Variants in PHF8 observed in about 807,000 individuals in gnomAD.
PHF8 encodes the protein PHD finger protein 8, also known as histone lysine demethylase PHF8.
PHF8 carries 9 observed loss-of-function variants against 74.4 expected under a neutral mutation model. The observed-to-expected ratio is 0.12, with a 90% CI of 0.07 to 0.21. The LOEUF is 0.21. Among genes scored for constraint, PHF8 ranks in the 10% least tolerant of loss-of-function variants. The probability of loss-of-function intolerance (pLI) is 1.00; values close to 1 mark genes in which losing one functional copy is unlikely to be tolerated. For synonymous variants in PHF8, 311 were observed against 316.6 expected (o/e 0.98, Z 0.19); for missense variants, 478 against 816.6 (o/e 0.59, Z 5.05).
chrX:53,984,299 G>A (rs2065525693), intron 18 of PHF8, among the ~76,000 whole-genome samples: 1 of 111,808 alleles, frequency 8.9e-6, no homozygotes, highest in Non-Finnish European at 1.9e-5. Flanking sequence ...CCAGGAGGCG[G>A]AGGTGGCAGT....
At chrX:54,015,859 T>C (rs1192000707) in intron 6 of PHF8, among the ~76,000 whole-genome samples, 1 of 110,949 alleles carries the variant, frequency 9.0e-6, no homozygotes, top group Admixed American at 9.7e-5. Flanking sequence ...TGAGTCCAGA[T>C]AGAATCATTT....
chrX:54,022,477 C>A, intron 3 of PHF8, 110 bp from the exon 4 acceptor site: 3 of 575,975 alleles, frequency 5.2e-6, no homozygotes, highest in Non-Finnish European at 9.2e-6. Context: ...CCCCTTGGAG[C>A]ATCTGGAGTC....
chrX:53,950,924 A>G (rs1179038268), intron 19 of PHF8, among the ~76,000 whole-genome samples: 2 of 112,058 alleles, frequency 1.8e-5, no homozygotes, highest in Non-Finnish European at 3.8e-5. Context: ...AAAATCAATC[A>G]GTGGAAACTG....
chrX:53,988,808 A>G (rs782663553), intron 14 of PHF8, among the ~76,000 whole-genome samples: 1 of 108,981 alleles, frequency 9.2e-6, no homozygotes, highest in Non-Finnish European at 1.9e-5. Context: ...AAGAGAGTAG[A>G]CCTATGTGTT....
chrX:53,952,289 A>AG (rs1450240805), intron 19 of PHF8, among the ~76,000 whole-genome samples: 1 of 110,388 alleles, frequency 9.1e-6, no homozygotes, highest in Non-Finnish European at 1.9e-5. Context: ...GTCTCAAAAA[A>AG]AAAAAAAAGG....
In PHF8 at chrX:54,019,665, C is replaced by T. The variant is rs782014984; in HGVS notation, c.294-1844G>A. ...AATTAGCTGGGCATGGTGGTACGTG[C>T]CTGTAATCCCAGCTACTTGGGAGGC... is the stretch of plus-strand genomic sequence containing the variant. On this transcript the variant is annotated intron_variant, in intron 4 of 21. Transcript: ENST00000338154. Among the ~76,000 whole-genome samples, 665 of 106,481 alleles carry T rather than the reference C, an allele frequency of 6.2e-3. 3 individuals carry two copies. The highest frequency in any genetic ancestry group is 9.5e-3 in the Non-Finnish European group (492 of 51,840). The allele number at this position is 106,481 out of a possible 115,157, so 92.5% of individuals were successfully genotyped here. A position where few individuals can be genotyped will look rare whatever the true frequency, so the allele number is the denominator to read the frequency against.
Position 53,940,262 on chromosome X carries a change from G to A in PHF8, c.2904C>T (p.Arg968=). 3.3e-6 allele frequency: 4 copies of A among 1,201,047 alleles called. No homozygotes were observed. The highest frequency in any genetic ancestry group is 4.5e-6 in the Non-Finnish European group (4 of 889,831). The change falls in exon 21 of 22, where the codon CGC becomes CGT. Residue 968 remains arginine (R), a synonymous_variant. Coordinates refer to ENST00000338154, the MANE Select transcript of PHF8 (RefSeq NM_015107.3). ...CACCGGGGGCCATAGGTGTGGTGCTGCGGTTTGCCTGGGCCATGCCAAAGG... is the reference window on the plus strand; with the variant it reads ...CACCGGGGGCCATAGGTGTGGTGCTACGGTTTGCCTGGGCCATGCCAAAGG... ...PNAFGMAQAN[R]STTPMAPGVF... is the part of the protein sequence containing the mutation.
At chrX:54,028,293 A>G (rs1451770976) in intron 2 of PHF8, among the ~76,000 whole-genome samples, 1 of 111,387 alleles carries the variant, frequency 9.0e-6, no homozygotes, top group Non-Finnish European at 1.9e-5. Context: ...CAATAGACTC[A>G]TGTAGTAGGG....
intron 18 of PHF8, among the ~76,000 whole-genome samples, chrX:53,980,103 C>T (rs1214477757): frequency 9.0e-6 from 1 of 111,191 alleles, no homozygotes; most frequent in Non-Finnish European, 1.9e-5. Context: ...CTGAAAACAG[C>T]ACAAGGATGC....
chrX:54,013,837 TA>T (rs1270074988), intron 7 of PHF8, among the ~76,000 whole-genome samples: 1 of 110,514 alleles, frequency 9.0e-6, no homozygotes, highest in Non-Finnish European at 1.9e-5. Context: ...CCATCTCAAA[TA>T]AATAAATAAA....
chrX:54,042,810 C>T lies in PHF8; in HGVS notation c.-82G>A. 8.7e-7 allele frequency: 1 copy of T among 1,153,952 alleles called. No individual in the cohort carries two copies. The highest frequency in any genetic ancestry group is 1.2e-6 in the Non-Finnish European group (1 of 862,691). On this transcript the variant is annotated 5_prime_UTR_variant, in exon 2 of 22. Coordinates refer to ENST00000338154, the MANE Select transcript of PHF8 (RefSeq NM_015107.3). ...CGGGAGGCGGCAGCACGCGTCCTCT[C>T]TGGACGATAGCTAGGCACAAATAAC...
intron 8 of PHF8, among the ~76,000 whole-genome samples, chrX:54,005,373 C>T (rs1239861887): frequency 2.9e-5 from 3 of 104,378 alleles, no homozygotes; most frequent in Non-Finnish European, 5.9e-5. Context: ...GAGGCGGACA[C>T]TGCAGTGAGC....
chrX:54,018,218 T>C (rs1557108781), intron 4 of PHF8, among the ~76,000 whole-genome samples: 2 of 112,317 alleles, frequency 1.8e-5, no homozygotes, highest in Non-Finnish European at 3.8e-5. Flanking sequence ...TTTCTCAACA[T>C]GCATATACAA....
chrX:54,008,322 G>A (rs1336573541), intron 8 of PHF8, among the ~76,000 whole-genome samples: 8 of 100,521 alleles, frequency 8.0e-5, no homozygotes, highest in Non-Finnish European at 1.2e-4. Context: ...AGTGGAGATC[G>A]CGCCACTGCA....
intron 19 of PHF8, among the ~76,000 whole-genome samples, chrX:53,960,777 G>A (rs1557090565): frequency 9.2e-6 from 1 of 109,192 alleles, no homozygotes; most frequent in Admixed American, 9.9e-5. Context: ...TTAAAAAATT[G>A]TACACACATG....
chrX:53,987,351 T>C lies in PHF8; in HGVS notation c.1910-188A>G, dbSNP rs1452616305. 6.3e-5 allele frequency among the ~76,000 whole-genome samples: 7 copies of C among 111,745 alleles called. 1 individual carries two copies. The highest frequency in any genetic ancestry group is 2.3e-4 in the African/African-American group (7 of 30,723). ...CAATGAAGGCCTACAGAACATAGTA[T>C]AGCAAAATGTCAACAAGCTCAGGCC... On this transcript the variant is annotated intron_variant, in intron 15 of 21. Transcript: ENST00000338154.
chrX:53,960,844 T>C (rs930053460), intron 19 of PHF8, among the ~76,000 whole-genome samples: 1 of 110,308 alleles, frequency 9.1e-6, no homozygotes, highest in Non-Finnish European at 1.9e-5. Context: ...AAGAAACATG[T>C]CAAAATGTTA....
intron 18 of PHF8, among the ~76,000 whole-genome samples, chrX:53,973,357 A>G (rs1557095160): frequency 8.9e-6 from 1 of 112,060 alleles, no homozygotes; most frequent in East Asian, 2.8e-4. Context: ...CGAAGCAAAA[A>G]GAATTAAAGC....
chrX:54,028,415 G>A (rs782374625), intron 2 of PHF8, among the ~76,000 whole-genome samples: 2 of 111,272 alleles, frequency 1.8e-5, no homozygotes, highest in Non-Finnish European at 3.8e-5. Context: ...GTCTTTGGCT[G>A]TTCCTTTTTC....
Sources: allele counts gnomAD v4.1 joint callset (sites outside exome capture counted in the v4.1 genomes callset), GRCh38; gene constraint gnomAD v4.1.1; transcripts MANE v1.5; gene names NCBI Gene and HGNC (gene_info 2026-07-23, HGNC 2026-07-21).